The following NRXN1 variants were observed in gnomAD, a reference collection of about 807,000 sequenced individuals.
NRXN1 encodes the protein neurexin-1.
In NRXN1, 39 loss-of-function variants were observed where a neutral mutation model predicts 150.9. That is an observed-to-expected ratio of 0.26 (90% CI 0.20 to 0.34). The LOEUF (loss-of-function observed/expected upper bound fraction) is 0.34, where lower values mean the gene tolerates loss of function less well. NRXN1 is among the 10% of genes least tolerant of loss of function. The pLI, the probability that NRXN1 is intolerant of heterozygous loss-of-function variation, is 1.00. For synonymous variants in NRXN1, 924 were observed against 757.0 expected (o/e 1.22, Z -3.62); for missense variants, 1,815 against 1,949.9 (o/e 0.93, Z 1.30).
chr2:50,802,233 T>C (rs1451562798), intron 5 of NRXN1, among the ~76,000 whole-genome samples: 1 of 152,134 alleles, frequency 6.6e-6, no homozygotes, highest in East Asian at 1.9e-4. Flanking sequence ...GGCTCATGCA[T>C]GCAATCCCAG....
rs184311371 is a variant in NRXN1, at chr2:50,270,614, C to T, written c.3365-33644G>A. 3.3e-4 allele frequency among the ~76,000 whole-genome samples: 50 copies of T among 151,720 alleles called. 1 individual carries two copies. Among genetic ancestry groups the T allele is most frequent in the African/African-American group, 1.1e-3 (47 of 41,346 alleles). Reference sequence around the variant, plus strand: ...CATTATACACACAGTTTATCGACACCGTGAAAGTATAACGTACAAGCAAAT... The same window carrying T: ...CATTATACACACAGTTTATCGACACTGTGAAAGTATAACGTACAAGCAAAT... On this transcript the variant is annotated intron_variant, in intron 17 of 22. Coordinates refer to ENST00000401669, the MANE Select transcript of NRXN1 (RefSeq NM_001330078.2).
chr2:49,968,673 A>C (rs1677390442), intron 21 of NRXN1, among the ~76,000 whole-genome samples: 1 of 152,170 alleles, frequency 6.6e-6, no homozygotes, highest in Admixed American at 6.5e-5. Context: ...CAGGAAACAT[A>C]CAGCGAAATA....
At chr2:50,801,063 T>A (rs1280967555) in intron 5 of NRXN1, among the ~76,000 whole-genome samples, 1 of 152,174 alleles carries the variant, frequency 6.6e-6, no homozygotes, top group Non-Finnish European at 1.5e-5. Context: ...CGTAGCAAAG[T>A]TATTTTTTTC....
At chr2:50,804,408 T>C (rs908623514) in intron 5 of NRXN1, among the ~76,000 whole-genome samples, 2 of 152,190 alleles carry the variant, frequency 1.3e-5, no homozygotes, top group African/African-American at 2.4e-5. Flanking sequence ...GAAAAACATA[T>C]TATTTCAGTT....
chr2:50,029,330 C>T (rs978135110), intron 21 of NRXN1, among the ~76,000 whole-genome samples: 1 of 152,078 alleles, frequency 6.6e-6, no homozygotes, highest in Non-Finnish European at 1.5e-5. Context: ...TTATAGCAGC[C>T]CTATTGGACT....
intron 5 of NRXN1, among the ~76,000 whole-genome samples, chr2:50,772,934 C>G (rs768867076): frequency 6.6e-6 from 1 of 152,040 alleles, no homozygotes; most frequent in African/African-American, 2.4e-5. Context: ...AAAGGAGGAG[C>G]CTCGTCCATC....
At chr2:50,812,026 G>T (rs3914730) in intron 5 of NRXN1, among the ~76,000 whole-genome samples, 29,853 of 151,678 alleles carry the variant, frequency 0.2, 2,995 homozygotes, top group African/African-American at 0.2. Context: ...TCTTTTAATT[G>T]TATACAGATG....
At position 50,255,585 on chromosome 2, in the gene NRXN1, T is replaced by TA. The variant is rs2067620310; in HGVS notation, c.3365-18616dup. 2.0e-5 allele frequency among the ~76,000 whole-genome samples: 3 copies of TA among 152,250 alleles called. No homozygotes were observed. In the South Asian group the frequency reaches 6.2e-4, roughly 32 times the overall value. ...TCAAAATAACCTCACATTTGAAACA[T>TA]ACGTCCTTAAGCTCTGAAGTGAAAA... On this transcript the variant is annotated intron_variant, in intron 17 of 22. Transcript: ENST00000401669.
At chr2:50,461,618 GAATGTAAACTTT>G (rs2088226131) in intron 17 of NRXN1, among the ~76,000 whole-genome samples, 1 of 151,956 alleles carries the variant, frequency 6.6e-6, no homozygotes, top group African/African-American at 2.4e-5. Flanking sequence ...AATTTACAAT[GAATGTAAACTTT>G]TAGCACAGAA....
chr2:50,208,177 C>A (rs2062751480), intron 18 of NRXN1, among the ~76,000 whole-genome samples: 1 of 152,064 alleles, frequency 6.6e-6, no homozygotes, highest in Admixed American at 6.6e-5. Flanking sequence ...TCCACTCAAC[C>A]ACTTTTGCAC....
chr2:50,723,542 C>A (rs957234042), intron 5 of NRXN1, among the ~76,000 whole-genome samples: 2 of 152,206 alleles, frequency 1.3e-5, no homozygotes, highest in Non-Finnish European at 2.9e-5. Flanking sequence ...AAGCCAAAAT[C>A]TGTGAAGAAG....
At chr2:50,538,800 C>A (rs964835506) in intron 9 of NRXN1, among the ~76,000 whole-genome samples, 164 bp from the exon 10 acceptor site, 1 of 137,038 alleles carries the variant, frequency 7.3e-6, no homozygotes, top group African/African-American at 3.0e-5. Context: ...ATTAAGATAT[C>A]TGTGGTATTA....
intron 8 of NRXN1, among the ~76,000 whole-genome samples, chr2:50,574,819 G>A (rs375137033): frequency 1.3e-5 from 2 of 152,276 alleles, no homozygotes; most frequent in South Asian, 2.1e-4. Flanking sequence ...CAAATTGTGC[G>A]GCACCCTTGC....
intron 18 of NRXN1, among the ~76,000 whole-genome samples, chr2:50,098,434 G>A (rs1362964982): frequency 6.6e-6 from 1 of 152,052 alleles, no homozygotes; most frequent in African/African-American, 2.4e-5. Flanking sequence ...CCAGCATTTG[G>A]ACAGCTCTAA....
chr2:51,012,740 G>T (rs533012413), intron 2 of NRXN1, among the ~76,000 whole-genome samples: 4 of 152,068 alleles, frequency 2.6e-5, no homozygotes, highest in Non-Finnish European at 5.9e-5. Context: ...ACAACAGAGG[G>T]GTCAAAGATG....
chr2:50,636,973 A>G (rs1413039671), intron 5 of NRXN1, among the ~76,000 whole-genome samples: 3 of 152,194 alleles, frequency 2.0e-5, no homozygotes, highest in Non-Finnish European at 2.9e-5. Flanking sequence ...CAATAAAAGT[A>G]TAGAAGGATC....
chr2:50,819,838 AT>A (rs1377046214), intron 5 of NRXN1, among the ~76,000 whole-genome samples: 1 of 152,078 alleles, frequency 6.6e-6, no homozygotes, highest in Non-Finnish European at 1.5e-5. Context: ...GTGGTTATAA[AT>A]CCCAACATAT....
chr2:50,240,428 T>G (rs1559152840), intron 17 of NRXN1, among the ~76,000 whole-genome samples: 1 of 151,742 alleles, frequency 6.6e-6, no homozygotes, highest in Non-Finnish European at 1.5e-5. Context: ...CTCTGGATTT[T>G]TTTTAAAAAA....
chr2:50,269,589 A>G (rs1282735398), intron 17 of NRXN1, among the ~76,000 whole-genome samples: 1 of 152,210 alleles, frequency 6.6e-6, no homozygotes, highest in Non-Finnish European at 1.5e-5. Context: ...TATATAAACA[A>G]ACATTAATTT....
Sources: allele counts gnomAD v4.1 joint callset (sites outside exome capture counted in the v4.1 genomes callset), GRCh38; gene constraint gnomAD v4.1.1; transcripts MANE v1.5; gene names NCBI Gene and HGNC (gene_info 2026-07-23, HGNC 2026-07-21).